CENPK: variants seen among roughly 807,000 people sequenced by gnomAD.
The protein encoded by CENPK is SoxLZ/Sox6-binding protein Solt.
A neutral mutation model predicts 40.9 loss-of-function variants in CENPK; 46 were observed. The observed-to-expected ratio is 1.13, with a 90% CI of 0.89 to 1.44. CENPK has a LOEUF of 1.44. CENPK is among the 40% of genes most tolerant of loss of function. CENPK has a pLI of 0.00. For synonymous variants in CENPK, 107 were observed against 104.4 expected (o/e 1.02, Z -0.15); for missense variants, 288 against 303.5 (o/e 0.95, Z 0.38).
At chr5:65,562,091 A>G (rs1449621976) in intron 1 of CENPK, among the ~76,000 whole-genome samples, 1 of 152,214 alleles carries the variant, frequency 6.6e-6, no homozygotes, top group African/African-American at 2.4e-5. Context: ...GGAAGCTTAG[A>G]AAAACCAACC....
chr5:65,526,709 C>G (rs921485204), intron 9 of CENPK, among the ~76,000 whole-genome samples: 1 of 152,130 alleles, frequency 6.6e-6, no homozygotes, highest in African/African-American at 2.4e-5. Flanking sequence ...TCTGTAGTCC[C>G]AGCTGTGTGG....
At chr5:65,528,821 C>T in intron 8 of CENPK, 98 bp downstream of exon 8, 1 of 916,818 alleles carries the variant, frequency 1.1e-6, no homozygotes, top group Non-Finnish European at 1.6e-6. Flanking sequence ...GGGCAAGACT[C>T]CTGATTCCTG....
chr5:65,556,713 A>G (rs767957288), intron 2 of CENPK, among the ~76,000 whole-genome samples: 7 of 152,200 alleles, frequency 4.6e-5, no homozygotes, highest in Non-Finnish European at 1.0e-4. Context: ...CTAGGCCTTC[A>G]TATCTTCTCA....
rs1580880233 is a variant in CENPK, at chr5:65,521,471, T to C, written c.651+4A>G. ...AGACAAAACAAACTACACAAAACACTTACCTCTAACATTTCATGCAGTGTT... is the reference window on the plus strand; with the variant it reads ...AGACAAAACAAACTACACAAAACACCTACCTCTAACATTTCATGCAGTGTT... On this transcript the variant is annotated splice_donor_region_variant and intron_variant, in intron 10 of 10. Coordinates refer to ENST00000396679, the MANE Select transcript of CENPK (RefSeq NM_022145.5). 1 of 1,607,766 alleles carries C rather than the reference T, an allele frequency of 6.2e-7. No individual in the cohort carries two copies. Among genetic ancestry groups the C allele is most frequent in the Non-Finnish European group, 8.5e-7 (1 of 1,175,648 alleles).
Position 65,528,977 on chromosome 5 carries a change from AT to A in CENPK, c.411del (p.Glu137AspfsTer10). The A allele has an allele frequency of 6.2e-7, 1 of 1,610,882 alleles. No individual in the cohort carries two copies. Among genetic ancestry groups the A allele is most frequent in the Non-Finnish European group, 8.5e-7 (1 of 1,178,068 alleles). ...RWLDEQQQIM[E>X]SLNVLHSELK... ...AATTCACTGTGTAGTACATTAAGAG[AT>A]TCCATTATCTGTTGCTGTTCATCCA... On this transcript the variant is annotated frameshift_variant, in exon 8 of 11. Transcript: ENST00000396679. LOFTEE classifies it high-confidence loss of function.
chr5:65,514,153 A>G (rs2150319466), downstream of CENPK, among the ~76,000 whole-genome samples: 1 of 147,464 alleles, frequency 6.8e-6, no homozygotes, highest in African/African-American at 2.5e-5. Flanking sequence ...TTCATGAGAG[A>G]TACTAGTCTG....
At chr5:65,520,751 C>G (rs1743578464) in intron 10 of CENPK, among the ~76,000 whole-genome samples, 1 of 152,156 alleles carries the variant, frequency 6.6e-6, no homozygotes, top group Non-Finnish European at 1.5e-5. Context: ...TGAAATCACT[C>G]TTTCTTCAAA....
At chr5:65,547,779 C>T (rs955808871) in intron 5 of CENPK, among the ~76,000 whole-genome samples, 1 of 152,088 alleles carries the variant, frequency 6.6e-6, no homozygotes, top group African/African-American at 2.4e-5. Context: ...ATTCTCCTGC[C>T]TCAGCATCCC....
chr5:65,538,529 A>T (rs1162140869), intron 6 of CENPK, among the ~76,000 whole-genome samples: 1 of 152,124 alleles, frequency 6.6e-6, no homozygotes, highest in Non-Finnish European at 1.5e-5. Context: ...TTTACTATAC[A>T]TTCAAGAGAA....
rs186103418 is a variant in CENPK, at chr5:65,540,323, G to A, written c.288+2479C>T. Among the ~76,000 whole-genome samples, 4 of 152,132 alleles carry A rather than the reference G, an allele frequency of 2.6e-5. No individual in the cohort carries two copies. The East Asian group carries it at 7.7e-4, about 29-fold the overall frequency. On this transcript the variant is annotated intron_variant, in intron 6 of 10. Transcript: ENST00000396679. ...AAGTTCTATCTTTCACAAAACACTA[G>A]GGCAGGAATGCAATTCAGCTCTCTG...
chr5:65,513,569 T>A (rs2150318829), downstream of CENPK, among the ~76,000 whole-genome samples: 1 of 152,352 alleles, frequency 6.6e-6, no homozygotes. Flanking sequence ...TTGGTGCTAA[T>A]GTAAATGTTT....
In CENPK at chr5:65,528,448, T is replaced by C; in HGVS notation, c.597+4A>G. 1 of 1,586,344 alleles carries C rather than the reference T, an allele frequency of 6.3e-7. No individual in the cohort carries two copies. On this transcript the variant is annotated splice_donor_region_variant and intron_variant, in intron 9 of 10. Coordinates refer to ENST00000396679, the MANE Select transcript of CENPK (RefSeq NM_022145.5). The stretch of plus-strand genomic sequence containing the variant: ...TTTACATAAATGTCTTCTCTAAAAC[T>C]TACCTTTTTCTTTTTAACACTTCTA...
chr5:65,516,508 T>C (rs1395566343), downstream of CENPK, among the ~76,000 whole-genome samples: 1 of 152,158 alleles, frequency 6.6e-6, no homozygotes, highest in Non-Finnish European at 1.5e-5. Flanking sequence ...GATGATCTTC[T>C]GGACACAGTC....
intron 9 of CENPK, among the ~76,000 whole-genome samples, chr5:65,521,821 G>C (rs112730090): frequency 6.6e-6 from 1 of 152,076 alleles, no homozygotes; most frequent in Non-Finnish European, 1.5e-5. Context: ...GGCTGGTCTC[G>C]AGCTCCTGAC....
intron 9 of CENPK, among the ~76,000 whole-genome samples, chr5:65,527,499 ATATATATATATATATAT>A (rs1744915656): frequency 0.013 from 1 of 80 alleles, no homozygotes. Context: ...TATTAACACC[ATATATATATATATATAT>A]ATATATATAT....
At chr5:65,504,467 A>AAC in the CENPK span, among the ~76,000 whole-genome samples, 1 of 151,614 alleles carries the variant, frequency 6.6e-6, no homozygotes, top group Non-Finnish European at 1.5e-5. Context: ...CAAAAAAAAA[A>AAC]AAAAAAAAAA....
intron 2 of CENPK, among the ~76,000 whole-genome samples, chr5:65,557,248 AATTT>A (rs1751132281): frequency 6.6e-6 from 1 of 152,220 alleles, no homozygotes; most frequent in African/African-American, 2.4e-5. Flanking sequence ...GAGAATTGAC[AATTT>A]ATTTAGTAAT....
intron 9 of CENPK, among the ~76,000 whole-genome samples, chr5:65,526,530 G>T (rs958764204): frequency 3.9e-5 from 6 of 152,126 alleles, no homozygotes; most frequent in Admixed American, 2.6e-4. Flanking sequence ...AACTGAGAAG[G>T]TTCTATATAA....
chr5:65,526,765 C>G (rs1227949594), intron 9 of CENPK, among the ~76,000 whole-genome samples: 1 of 152,088 alleles, frequency 6.6e-6, no homozygotes, highest in East Asian at 1.9e-4. Flanking sequence ...TCAAGTCTAA[C>G]CTGGGCAACA....
Sources: allele counts gnomAD v4.1 joint callset (sites outside exome capture counted in the v4.1 genomes callset), GRCh38; gene constraint gnomAD v4.1.1; transcripts MANE v1.5; gene names NCBI Gene and HGNC (gene_info 2026-07-23, HGNC 2026-07-21).